The following GRID2IP variants were observed in gnomAD, a reference collection of about 807,000 sequenced individuals.
The protein encoded by GRID2IP is Grid2 interacting protein.
A neutral mutation model predicts 114.3 loss-of-function variants in GRID2IP; 78 were observed. That is an observed-to-expected ratio of 0.68 (90% CI 0.57 to 0.82). GRID2IP has a LOEUF of 0.82. Ranked by LOEUF, GRID2IP falls within the 40% of genes least tolerant of loss-of-function variation. The pLI, the probability that GRID2IP is intolerant of heterozygous loss-of-function variation, is 0.00. For missense variants in GRID2IP, 1,727 were observed against 1,678.5 expected, an observed-to-expected ratio of 1.03 and a Z score of -0.51; for synonymous variants, 809 against 724.0, an observed-to-expected ratio of 1.12 and a Z score of -1.89.
intron 20 of GRID2IP, among the ~76,000 whole-genome samples, chr7:6,500,054 C>T (rs1409456358): frequency 6.6e-6 from 1 of 152,036 alleles, no homozygotes; most frequent in Non-Finnish European, 1.5e-5. Context: ...TGAATGTGAC[C>T]ATCCATCTTC....
In GRID2IP at chr7:6,507,996, T is replaced by A; in HGVS notation, c.2533A>T (p.Ile845Phe). Residue 845 changes from isoleucine to phenylalanine, a missense_variant, in exon 13 of 22, where the codon ATC becomes TTC. Coordinates refer to ENST00000457091, the MANE Select transcript of GRID2IP (RefSeq NM_001145118.2). The surrounding 1 kb of genome is among the most constrained non-coding windows in gnomAD (Gnocchi z 5.3). ...WEQVENSEGT[I>F]WGQLGEDSDY... ...CCCAGGTCACCTACCTGACCCCAGATGGTGCCTTCTGAGTTCTCCACCTGT... is the reference window on the plus strand; with the variant it reads ...CCCAGGTCACCTACCTGACCCCAGAAGGTGCCTTCTGAGTTCTCCACCTGT... 1 of 1,549,980 alleles carries A rather than the reference T, an allele frequency of 6.5e-7. No homozygotes were observed. The highest frequency in any genetic ancestry group is 8.7e-7 in the Non-Finnish European group (1 of 1,146,764).
intron 7 of GRID2IP, among the ~76,000 whole-genome samples, chr7:6,515,872 G>A (rs1208844382): frequency 1.3e-5 from 2 of 152,088 alleles, no homozygotes; most frequent in Non-Finnish European, 2.9e-5. Context: ...GCTGAGGTGG[G>A]TGGATCACGA....
intron 8 of GRID2IP, among the ~76,000 whole-genome samples, chr7:6,512,876 TG>T (rs72007168): frequency 0.062 from 9,414 of 152,172 alleles, 467 homozygotes; most frequent in African/African-American, 0.13. Context: ...AAGCTGGACT[TG>T]GAACTCCTGA....
chr7:6,505,514 T>G (rs900836390), intron 14 of GRID2IP, among the ~76,000 whole-genome samples: 1 of 152,034 alleles, frequency 6.6e-6, no homozygotes, highest in Non-Finnish European at 1.5e-5. Flanking sequence ...ACCACAGACA[T>G]CCTCCATGTG....
Position 6,509,119 on chromosome 7 carries a change from G to A in GRID2IP, c.1966C>T (p.Pro656Ser). The A allele has an allele frequency of 6.8e-7, 1 of 1,477,168 alleles. No homozygotes were observed. The allele number at this position is 1,477,168 out of a possible 1,614,324, so 91.5% of individuals were successfully genotyped here. Reference sequence around the variant, plus strand: ...CGGCTGGGCGGGCGGGTGGGGTCCGGGCTTGGGGGGCTGTCGGGGCAGATG... The same window carrying A: ...CGGCTGGGCGGGCGGGTGGGGTCCGAGCTTGGGGGGCTGTCGGGGCAGATG... ...GPICPDSPPS[P>S]DPTRPPSRRK... The change falls in exon 12 of 22, where the codon CCG becomes TCG. Residue 656 changes from proline to serine, a missense_variant. By Grantham distance (74) the Pro-to-Ser change is moderately conservative. Transcript: ENST00000457091. The surrounding 1 kb of genome is among the most constrained non-coding windows in gnomAD (Gnocchi z 4.9).
chr7:6,510,324 G>C lies in GRID2IP; in HGVS notation c.1730C>G (p.Ser577Cys). Residue 577 changes from serine to cysteine, a missense_variant, in exon 11 of 22, where the codon TCC becomes TGC. Ser to Cys is a moderately radical substitution (Grantham distance 112). Transcript: ENST00000457091. ...FKGKMGTVSK[S>C]RASPPGPSPA... ...GCTGGGGCCTGGAGGGGAAGCCCGGGATTTGGACACGGTCCCCATCTTCCC... is the reference window on the plus strand; with the variant it reads ...GCTGGGGCCTGGAGGGGAAGCCCGGCATTTGGACACGGTCCCCATCTTCCC... 2 of 1,547,926 alleles carry C rather than the reference G, an allele frequency of 1.3e-6. No individual in the cohort carries two copies. Among genetic ancestry groups the C allele is most frequent in the Non-Finnish European group, 1.7e-6 (2 of 1,145,488 alleles).
chr7:6,546,859 C>T (rs1779896993), intron 1 of GRID2IP, among the ~76,000 whole-genome samples: 1 of 152,068 alleles, frequency 6.6e-6, no homozygotes, highest in Non-Finnish European at 1.5e-5. Flanking sequence ...TCCAACTCTG[C>T]AGGGATTAGA....
chr7:6,542,771 T>TA (rs1358083328), intron 1 of GRID2IP, among the ~76,000 whole-genome samples: 1 of 152,188 alleles, frequency 6.6e-6, no homozygotes, highest in Non-Finnish European at 1.5e-5. Context: ...TGATGGGTGT[T>TA]ACAATCCTGT....
chr7:6,504,855 G>T lies in GRID2IP; in HGVS notation c.2648C>A (p.Pro883Gln). Residue 883 changes from proline to glutamine, a missense_variant, in exon 15 of 22, where the codon CCG becomes CAG. Pro to Gln is a moderately conservative substitution (Grantham distance 76). Coordinates refer to ENST00000457091, the MANE Select transcript of GRID2IP (RefSeq NM_001145118.2). ...TQKPAKPVPG[P>Q]EPFRKKEVVE... ...CACCTCCTTCTTCCGGAAGGGCTCC[G>T]GCCCCGGCACCGGTTCTGGAAAAGA... 6.4e-7 allele frequency: 1 copy of T among 1,551,316 alleles called. No homozygotes were observed. Among genetic ancestry groups the T allele is most frequent in the South Asian group, 1.2e-5 (1 of 84,068 alleles).
At chr7:6,546,611 G>A (rs1477874655) in intron 1 of GRID2IP, among the ~76,000 whole-genome samples, 2 of 151,038 alleles carry the variant, frequency 1.3e-5, no homozygotes, top group Admixed American at 6.6e-5. Flanking sequence ...TGGGCTCCAC[G>A]GAGGCCCTTC....
chr7:6,535,946 G>C (rs542624515), intron 2 of GRID2IP, among the ~76,000 whole-genome samples: 1 of 152,132 alleles, frequency 6.6e-6, no homozygotes, highest in African/African-American at 2.4e-5. Flanking sequence ...CTAAGCCACA[G>C]CACCGCCACC....
In GRID2IP at chr7:6,521,547, A is replaced by G. The variant is rs1386771341; in HGVS notation, c.990-24T>C. The G allele has an allele frequency of 2.6e-6, 4 of 1,513,462 alleles. No individual in the cohort carries two copies. The highest frequency in any genetic ancestry group is 3.6e-6 in the Non-Finnish European group (4 of 1,121,020). The allele number at this position is 1,513,462 out of a possible 1,614,324, so 93.8% of individuals were successfully genotyped here. On this transcript the variant is annotated intron_variant, in intron 5 of 21. Transcript: ENST00000457091. This position sits in a 1 kb window ranked among gnomAD's most constrained non-coding sequence, Gnocchi z 4.1. ...TCCTGCCAAGCAGAGATGGCCCAGG[A>G]GGGCCTGACTGGGGTGAGCCCTGTC...
chr7:6,503,641 C>T lies in GRID2IP; in HGVS notation c.2757G>A (p.Gln919=). ...HLKLSPAELR[Q]VLMSMEPRRL... ...GCCGGGGCTCCATGCTCATCAGCACCTGGCGCAGCTCCGCGGGGCTCAGCT... is the reference window on the plus strand; with the variant it reads ...GCCGGGGCTCCATGCTCATCAGCACTTGGCGCAGCTCCGCGGGGCTCAGCT... The change falls in exon 16 of 22, where the codon CAG becomes CAA. Residue 919 remains glutamine, a synonymous_variant. Transcript: ENST00000457091. 1 of 1,522,404 alleles carries T rather than the reference C, an allele frequency of 6.6e-7. No homozygotes were observed. The highest frequency in any genetic ancestry group is 8.8e-7 in the Non-Finnish European group (1 of 1,141,524). 94.3% of individuals were successfully genotyped at this position (1,522,404 alleles called of 1,614,324 possible). A position where few individuals can be genotyped will look rare whatever the true frequency, so the allele number is the denominator to read the frequency against.
chr7:6,519,532 T>G lies in GRID2IP; in HGVS notation c.1268+1046A>C, dbSNP rs938223688. The stretch of plus-strand genomic sequence containing the variant: ...CAGCACTTTGGGAGGCTGAAGCAGG[T>G]GGATCACCTGAGGTCGGGAGTTTGA... On this transcript the variant is annotated intron_variant, in intron 7 of 21. Transcript: ENST00000457091. This position sits in a 1 kb window ranked among gnomAD's most constrained non-coding sequence, Gnocchi z 4.1. Among the ~76,000 whole-genome samples the G allele has an allele frequency of 3.3e-5, 5 of 151,084 alleles. No individual in the cohort carries two copies. Among genetic ancestry groups the G allele is most frequent in the Non-Finnish European group, 7.4e-5 (5 of 67,730 alleles).
chr7:6,506,701 A>G lies in GRID2IP; in HGVS notation c.2545-794T>C. On this transcript the variant is annotated intron_variant, in intron 13 of 21. Transcript: ENST00000457091. The surrounding 1 kb of genome is among the most constrained non-coding windows in gnomAD (Gnocchi z 5.2). Reference sequence around the variant, plus strand: ...GAGGTATTTTTTTTTTTTTTTTTTTAGATAGGGTCTCACTCTGTACCCCAG... The same window carrying G: ...GAGGTATTTTTTTTTTTTTTTTTTTGGATAGGGTCTCACTCTGTACCCCAG... Among the ~76,000 whole-genome samples the G allele has an allele frequency of 1.2e-5, 1 of 85,254 alleles. No individual in the cohort carries two copies. The highest frequency in any genetic ancestry group is 5.1e-4 in the East Asian group (1 of 1,978). 55.9% of individuals were successfully genotyped at this position (85,254 alleles called of 152,430 possible).
In GRID2IP at chr7:6,524,799, C is replaced by A. The variant is rs534356770; in HGVS notation, c.919+1425G>T. 2.0e-5 allele frequency among the ~76,000 whole-genome samples: 3 copies of A among 151,800 alleles called. No individual in the cohort carries two copies. In the South Asian group the frequency reaches 6.2e-4, roughly 31 times the overall value. On this transcript the variant is annotated intron_variant, in intron 4 of 21. Coordinates refer to ENST00000457091, the MANE Select transcript of GRID2IP (RefSeq NM_001145118.2). The stretch of plus-strand genomic sequence containing the variant: ...TGGCATGATCTCAGCTCACTGCAAG[C>A]TCCGCCTCCCGGGCTCACGCCATTC...
chr7:6,536,308 C>T lies in GRID2IP; in HGVS notation c.584+3410G>A, dbSNP rs1414709076. 6.6e-6 allele frequency among the ~76,000 whole-genome samples: 1 copy of T among 152,252 alleles called. No individual in the cohort carries two copies. The highest frequency in any genetic ancestry group is 1.5e-5 in the Non-Finnish European group (1 of 68,042). ...GTTTTCCTGGCGCACTTGACACGCG[C>T]TTACAGCAGAGGCTGCCGTTTCAAG... On this transcript the variant is annotated intron_variant, in intron 2 of 21. Transcript: ENST00000457091. The surrounding 1 kb of genome is among the most constrained non-coding windows in gnomAD (Gnocchi z 5.3).
At chr7:6,547,575 G>A (rs900782535) in intron 1 of GRID2IP, among the ~76,000 whole-genome samples, 2 of 152,098 alleles carry the variant, frequency 1.3e-5, no homozygotes, top group Admixed American at 6.6e-5. Flanking sequence ...AAAATGTTGG[G>A]TTTGTTTGTT....
In GRID2IP at chr7:6,497,801, G is replaced by A. The variant is rs541799056; in HGVS notation, c.3609C>T (p.Ser1203=). Residue 1203 remains serine, a synonymous_variant, in exon 22 of 22, where the codon TCC becomes TCT. Coordinates refer to ENST00000457091, the MANE Select transcript of GRID2IP (RefSeq NM_001145118.2). ...ACCAGGCCAGGGGTGAAACCATCCC[G>A]GAGCTGCGCAGGCCCTCCCCGGCCT... ...DLQAGEGLRS[S]GMVSPLAW 26 of 1,550,262 alleles carry A rather than the reference G, an allele frequency of 1.7e-5. No homozygotes were observed. The highest frequency in any genetic ancestry group is 7.3e-5 in the East Asian group (3 of 40,894).
Sources: allele counts gnomAD v4.1 joint callset (sites outside exome capture counted in the v4.1 genomes callset), GRCh38; gene constraint gnomAD v4.1.1; non-coding constraint Gnocchi (gnomAD v3.1); transcripts MANE v1.5; gene names NCBI Gene and HGNC (gene_info 2026-07-23, HGNC 2026-07-21).